Variants in ADARB2 observed in about 807,000 individuals in gnomAD.
The protein encoded by ADARB2 is inactive double-stranded RNA-specific editase B2.
A neutral mutation model predicts 62.2 loss-of-function variants in ADARB2; 25 were observed. That is an observed-to-expected ratio of 0.40 (90% confidence interval 0.29 to 0.56). The LOEUF is 0.56. ADARB2 is among the 20% of genes least tolerant of loss of function. ADARB2 has a pLI of 0.43. For synonymous variants in ADARB2, 572 were observed against 500.8 expected, an observed-to-expected ratio of 1.14 and a Z score of -1.90; for missense variants, 1,071 against 1,077.4, an observed-to-expected ratio of 0.99 and a Z score of 0.08.
At chr10:1,699,531 C>T (rs1225964499) in intron 1 of ADARB2, among the ~76,000 whole-genome samples, 1 of 115,962 alleles carries the variant, frequency 8.6e-6, no homozygotes, top group South Asian at 3.2e-4. Context: ...CAGGCGCTCG[C>T]CAATACACGC....
At chr10:1,247,583 C>T (rs898374536) in intron 4 of ADARB2, among the ~76,000 whole-genome samples, 1 of 152,176 alleles carries the variant, frequency 6.6e-6, no homozygotes, top group African/African-American at 2.4e-5. Flanking sequence ...CATCTCTCCC[C>T]TCGGTGCCAT....
At chr10:1,672,124 GAGTC>G in intron 1 of ADARB2, among the ~76,000 whole-genome samples, 1 of 151,324 alleles carries the variant, frequency 6.6e-6, no homozygotes, top group Non-Finnish European at 1.5e-5. Context: ...CCATCCCCGA[GAGTC>G]AGTATGTGGG....
chr10:1,690,904 T>C (rs1834661212), intron 1 of ADARB2, among the ~76,000 whole-genome samples: 1 of 152,146 alleles, frequency 6.6e-6, no homozygotes, highest in African/African-American at 2.4e-5. Flanking sequence ...AAAACGCGCA[T>C]CTATCCCTGT....
chr10:1,526,780 AG>A, intron 1 of ADARB2: 1 of 498,256 alleles, frequency 2.0e-6, no homozygotes, highest in Non-Finnish European at 4.2e-6. Context: ...GACATGAAGC[AG>A]CTGTTCCCGC....
At chr10:1,722,920 CAT>C (rs1835111341) in intron 1 of ADARB2, among the ~76,000 whole-genome samples, 1 of 152,180 alleles carries the variant, frequency 6.6e-6, no homozygotes, top group African/African-American at 2.4e-5. Flanking sequence ...TATATTTACC[CAT>C]ATTCATATAC....
chr10:1,682,170 T>A (rs12766864), intron 1 of ADARB2, among the ~76,000 whole-genome samples: 31,996 of 152,106 alleles, frequency 0.21, 3,477 homozygotes, highest in Non-Finnish European at 0.24. Context: ...AAATCATGAA[T>A]GAGAGCTCCA....
intron 1 of ADARB2, chr10:1,678,224 CGACCTCAGGGTGAGT>C: frequency 2.0e-6 from 2 of 983,816 alleles, no homozygotes; most frequent in Non-Finnish European, 2.4e-6. Flanking sequence ...TCAGGGTGAG[CGACCTCAGGGTGAGT>C]GTCCTCGGGG....
At chr10:1,389,187 T>A (rs1383391272) in intron 1 of ADARB2, among the ~76,000 whole-genome samples, 1 of 152,204 alleles carries the variant, frequency 6.6e-6, no homozygotes, top group Non-Finnish European at 1.5e-5. Context: ...TATAAATTTT[T>A]AAGAAGAAAA....
chr10:1,735,920 C>T (rs1835294413), intron 1 of ADARB2, among the ~76,000 whole-genome samples: 1 of 152,170 alleles, frequency 6.6e-6, no homozygotes, highest in African/African-American at 2.4e-5. Flanking sequence ...ACACAGGAAA[C>T]GGTCTGGTAG....
At chr10:1,464,547 G>A (rs1831225271) in intron 1 of ADARB2, among the ~76,000 whole-genome samples, 1 of 72,792 alleles carries the variant, frequency 1.4e-5, no homozygotes, top group African/African-American at 4.5e-5. Context: ...CCCCACACAC[G>A]CGCTGGGGGC....
chr10:1,483,353 C>T (rs901624040), intron 1 of ADARB2, among the ~76,000 whole-genome samples: 4 of 152,132 alleles, frequency 2.6e-5, no homozygotes, highest in South Asian at 2.1e-4. Flanking sequence ...TAGGAAACCC[C>T]GTTACTGAAA....
intron 1 of ADARB2, among the ~76,000 whole-genome samples, chr10:1,734,948 A>G (rs1835282139): frequency 6.6e-6 from 1 of 151,028 alleles, no homozygotes; most frequent in African/African-American, 2.4e-5. Context: ...GAAGTAATCA[A>G]TTCCCAGGAA....
intron 1 of ADARB2, among the ~76,000 whole-genome samples, chr10:1,497,637 C>A (rs1362107123): frequency 6.6e-6 from 1 of 152,114 alleles, no homozygotes; most frequent in Non-Finnish European, 1.5e-5. Context: ...ATCAGTTATG[C>A]TTTTTATACA....
intron 1 of ADARB2, among the ~76,000 whole-genome samples, chr10:1,718,058 G>T (rs1442045130): frequency 6.6e-6 from 1 of 152,162 alleles, no homozygotes; most frequent in Non-Finnish European, 1.5e-5. Context: ...TGCTAAGGAA[G>T]AAAGGAAGGG....
intron 1 of ADARB2, among the ~76,000 whole-genome samples, chr10:1,506,330 G>T (rs188375413): frequency 8.8e-4 from 134 of 152,244 alleles, no homozygotes; most frequent in African/African-American, 3.2e-3. Context: ...TATTTATGGG[G>T]GGGAAATGCT....
chr10:1,470,857 G>C (rs1011814050), intron 1 of ADARB2, among the ~76,000 whole-genome samples: 15 of 152,248 alleles, frequency 9.9e-5, no homozygotes, highest in African/African-American at 3.4e-4. Context: ...TCAGGAGATC[G>C]AGACCATCCT....
chr10:1,560,357 C>T (rs1832769292), intron 1 of ADARB2, among the ~76,000 whole-genome samples: 1 of 152,164 alleles, frequency 6.6e-6, no homozygotes, highest in African/African-American at 2.4e-5. Context: ...CTTCTTTCAC[C>T]CATCACATGC....
chr10:1,363,993 GGGTCCCCGTCCCAGCGACCTCGCC>G, intron 2 of ADARB2, 76 bp from the exon 3 acceptor site: 1 of 1,397,286 alleles, frequency 7.2e-7, no homozygotes, highest in South Asian at 1.6e-5. Context: ...CACTCCCTGA[GGGTCCCCGTCCCAGCGACCTCGCC>G]GCCCGCGCCC....
At chr10:1,650,005 T>C (rs575860987) in intron 1 of ADARB2, among the ~76,000 whole-genome samples, 1 of 152,326 alleles carries the variant, frequency 6.6e-6, no homozygotes, top group African/African-American at 2.4e-5. Flanking sequence ...GTATCATACC[T>C]TTTCATAACT....
Sources: allele counts gnomAD v4.1 joint callset (sites outside exome capture counted in the v4.1 genomes callset), GRCh38; gene constraint gnomAD v4.1.1; transcripts MANE v1.5; gene names NCBI Gene and HGNC (gene_info 2026-07-23, HGNC 2026-07-21).